The following MROH9 variants were observed in gnomAD, a reference collection of about 807,000 sequenced individuals.
The protein encoded by MROH9 is maestro heat like repeat family member 9, also known as maestro heat-like repeat-containing protein family member 9.
A neutral mutation model predicts 98.2 loss-of-function variants in MROH9; 92 were observed. The ratio of observed to expected loss-of-function variants is 0.94; its 90% CI spans 0.79 to 1.11. MROH9 has a LOEUF of 1.11. Ranked by LOEUF, MROH9 falls within the 50% of genes most tolerant of loss-of-function variation. The pLI is 0.00. For synonymous variants in MROH9, 397 were observed against 368.9 expected (o/e 1.08, Z -0.87); for missense variants, 1,057 against 1,014.8 (o/e 1.04, Z -0.57).
rs1649374843 is a variant in MROH9 at position 170,947,459 on chromosome 1, A to G, written c.26-68A>G. 78 of 1,345,662 alleles carry G rather than the reference A, an allele frequency of 5.8e-5. 1 individual carries two copies. In the South Asian group the frequency reaches 9.2e-4, roughly 16 times the overall value. The allele number at this position is 1,345,662 out of a possible 1,614,324, so 83.4% of individuals were successfully genotyped here. ...TCATAGTAGCTTCAGGTTTGGAAAT[A>G]AGGCCCCACTAAGATGATAGGAGTC... is the stretch of plus-strand genomic sequence containing the variant. On this transcript the variant is annotated intron_variant, in intron 2 of 21. Transcript: ENST00000367759.
At chr1:170,953,494 A>T (rs149984105) in intron 3 of MROH9, among the ~76,000 whole-genome samples, 17 of 152,090 alleles carry the variant, frequency 1.1e-4, no homozygotes, top group African/African-American at 3.4e-4. Flanking sequence ...TTTATGATCC[A>T]TTTTGTGTAG....
chr1:170,975,868 C>A (rs769627018), intron 8 of MROH9, among the ~76,000 whole-genome samples: 3 of 152,156 alleles, frequency 2.0e-5, no homozygotes, highest in Non-Finnish European at 2.9e-5. Context: ...ATGGTTAAGT[C>A]TTCCCATTGA....
At chr1:171,011,603 A>T (rs947855685) in intron 15 of MROH9, among the ~76,000 whole-genome samples, 1 of 152,194 alleles carries the variant, frequency 6.6e-6, no homozygotes, top group Non-Finnish European at 1.5e-5. Flanking sequence ...AATCACCAAG[A>T]AATATTTTTT....
At chr1:171,006,884 G>T (rs747788906) in intron 15 of MROH9, among the ~76,000 whole-genome samples, 5 of 151,168 alleles carry the variant, frequency 3.3e-5, no homozygotes, top group Non-Finnish European at 5.9e-5. Context: ...TTATTTAGTT[G>T]TCCATCAGTG....
chr1:170,961,048 AT>A (rs147765333), intron 5 of MROH9, among the ~76,000 whole-genome samples: 3 of 151,950 alleles, frequency 2.0e-5, no homozygotes, highest in East Asian at 1.9e-4. Flanking sequence ...ATAAAAGTCT[AT>A]TTTTTTTACA....
At chr1:171,015,041 G>A (rs2101832967) in intron 16 of MROH9, 1 of 471,782 alleles carries the variant, frequency 2.1e-6, no homozygotes, top group African/African-American at 2.0e-5. Flanking sequence ...TCCATTTTCT[G>A]TAATTCTACA....
chr1:170,986,326 GA>G (rs1239902188), intron 9 of MROH9, among the ~76,000 whole-genome samples: 4 of 152,098 alleles, frequency 2.6e-5, no homozygotes, highest in African/African-American at 4.8e-5. Flanking sequence ...AAAATCAGAA[GA>G]AAAAAATTAA....
chr1:170,963,122 C>G (rs1650081699), intron 6 of MROH9, among the ~76,000 whole-genome samples: 1 of 150,142 alleles, frequency 6.7e-6, no homozygotes, highest in South Asian at 2.1e-4. Flanking sequence ...CTATAAGGAA[C>G]TTAAGTTTAC....
chr1:170,995,296 G>T, intron 12 of MROH9, 93 bp from the exon 13 acceptor site: 1 of 1,396,602 alleles, frequency 7.2e-7, no homozygotes, highest in South Asian at 1.3e-5. Flanking sequence ...TGAAGGAGGG[G>T]TTGCAGAGTC....
At chr1:171,030,378 C>A (rs772148309) in intron 20 of MROH9, among the ~76,000 whole-genome samples, 2 of 151,766 alleles carry the variant, frequency 1.3e-5, no homozygotes, top group Non-Finnish European at 3.0e-5. Flanking sequence ...AACTGTGATA[C>A]TAGAGCGTCA....
chr1:170,954,370 T>G (rs1649679532), intron 3 of MROH9, among the ~76,000 whole-genome samples: 1 of 152,120 alleles, frequency 6.6e-6, no homozygotes, highest in South Asian at 2.1e-4. Context: ...CTTCAATATC[T>G]GATTTTATAT....
chr1:170,962,665 G>T (rs1216865703), intron 6 of MROH9, among the ~76,000 whole-genome samples: 1 of 151,958 alleles, frequency 6.6e-6, no homozygotes, highest in Non-Finnish European at 1.5e-5. Flanking sequence ...TGGTATTTAT[G>T]AATACAAAAA....
chr1:171,029,079 G>C (rs563518667), intron 20 of MROH9, among the ~76,000 whole-genome samples: 7 of 152,100 alleles, frequency 4.6e-5, no homozygotes, highest in African/African-American at 1.7e-4. Flanking sequence ...AGCCATTCTT[G>C]TTTTGTACCA....
chr1:170,947,613 C>A lies in MROH9; in HGVS notation c.72+40C>A, dbSNP rs530897338. 6.5e-4 allele frequency: 1,002 copies of A among 1,543,710 alleles called. 2 individuals are homozygous for A. The highest frequency in any genetic ancestry group is 8.5e-4 in the Non-Finnish European group (956 of 1,124,016). On this transcript the variant is annotated intron_variant, in intron 3 of 21. Coordinates refer to ENST00000367759, the MANE Select transcript of MROH9 (RefSeq NM_001163629.2). The stretch of plus-strand genomic sequence containing the variant: ...ATAAGGATATCAACGTAACTGAATT[C>A]TCTTGGAAAAAATAACTTTTTACTG...
At chr1:171,033,285 C>A (rs1330086344) in intron 20 of MROH9, among the ~76,000 whole-genome samples, 3 of 152,216 alleles carry the variant, frequency 2.0e-5, no homozygotes, top group African/African-American at 7.2e-5. Flanking sequence ...CGGCAGCTGG[C>A]GCTGGTCGCC....
intron 8 of MROH9, among the ~76,000 whole-genome samples, chr1:170,982,686 T>C (rs540898600): frequency 6.6e-6 from 1 of 152,248 alleles, no homozygotes; most frequent in Non-Finnish European, 1.5e-5. Flanking sequence ...GCCCAGGAGT[T>C]GGAGACCAGC....
chr1:171,013,693 C>T (rs960232566), intron 15 of MROH9, among the ~76,000 whole-genome samples: 5 of 152,048 alleles, frequency 3.3e-5, no homozygotes, highest in Admixed American at 3.3e-4. Context: ...GGGTTGCTAC[C>T]GTTTCGCTCA....
intron 20 of MROH9, among the ~76,000 whole-genome samples, chr1:171,029,580 A>G (rs577174209): frequency 9.9e-5 from 15 of 152,212 alleles, no homozygotes; most frequent in African/African-American, 3.4e-4. Flanking sequence ...GTTCTGTTTA[A>G]TGTGATGGAT....
rs191315596 is a variant in MROH9, at chr1:171,030,662, G to C, written c.2281+5242G>C. Among the ~76,000 whole-genome samples, 974 of 152,212 alleles carry C rather than the reference G, an allele frequency of 6.4e-3. 13 individuals carry two copies. Among genetic ancestry groups the C allele is most frequent in the African/African-American group, 0.022 (933 of 41,530 alleles). On this transcript the variant is annotated intron_variant, in intron 20 of 21. Transcript: ENST00000367759. ...TGTGTTCTGAAAGACTGTTTGTTATGATTTCAGTTCTTTTGCATTTGCTGA... is the reference window on the plus strand; with the variant it reads ...TGTGTTCTGAAAGACTGTTTGTTATCATTTCAGTTCTTTTGCATTTGCTGA...
Sources: gnomAD v4.1 joint callset for allele counts (sites outside exome capture counted in the v4.1 genomes callset) on GRCh38, gnomAD v4.1.1 for gene constraint, MANE v1.5 for transcripts, NCBI Gene and HGNC (gene_info 2026-07-23, HGNC 2026-07-21) for gene names.